LIFR: variants seen among roughly 807,000 people sequenced by gnomAD.
The protein encoded by LIFR is LIF receptor subunit alpha, also known as leukemia inhibitory factor receptor.
A neutral mutation model predicts 122.2 loss-of-function variants in LIFR; 84 were observed. The ratio of observed to expected loss-of-function variants is 0.69; its 90% CI spans 0.58 to 0.82. The LOEUF (loss-of-function observed/expected upper bound fraction) is 0.82, where lower values mean the gene tolerates loss of function less well. Among genes scored for constraint, LIFR ranks in the 40% least tolerant of loss-of-function variants. The probability of loss-of-function intolerance (pLI) is 0.00; values close to 1 mark genes in which losing one functional copy is unlikely to be tolerated. For missense variants in LIFR, 1,294 were observed against 1,311.6 expected, an observed-to-expected ratio of 0.99 and a Z score of 0.21; for synonymous variants, 422 against 434.7, an observed-to-expected ratio of 0.97 and a Z score of 0.36.
At position 38,523,477 on chromosome 5, in the gene LIFR, G is replaced by C. The variant is rs779829941; in HGVS notation, c.503C>G (p.Ser168Ter). Residue 168 changes from serine (S) to a stop codon, truncating the protein, a stop_gained, in exon 5 of 20, where the codon TCA (serine) becomes TGA (stop). Coordinates refer to ENST00000453190, the MANE Select transcript of LIFR (RefSeq NM_001127671.2). LOFTEE classifies it high-confidence loss of function. ...NDRGSVFPHR[S>*]NVIWEIKVLR... ...AACTTTAATTTCCCAGATAACATTTGAGCGGTGTGGAAAAACTGAACCCCT... is the reference window on the plus strand; with the variant it reads ...AACTTTAATTTCCCAGATAACATTTCAGCGGTGTGGAAAAACTGAACCCCT... 1 of 1,613,592 alleles carries C rather than the reference G, an allele frequency of 6.2e-7. No individual in the cohort carries two copies.
chr5:38,481,811 C>T lies in LIFR; in HGVS notation c.3078G>A (p.Ala1026=), dbSNP rs760083976. ...TTACATTGGCCTGAGGTCTGTAACC[C>T]GCAGTTTTATCTAAGTCCTCTTCTG... is the stretch of plus-strand genomic sequence containing the variant. ...IAAEEDLDKT[A]GYRPQANVNT... is the part of the protein sequence containing the mutation. The change falls in exon 20 of 20, where the codon GCG becomes GCA. Residue 1026 remains alanine (A), a synonymous_variant. Coordinates refer to ENST00000453190, the MANE Select transcript of LIFR (RefSeq NM_001127671.2). The T allele has an allele frequency of 3.0e-5, 48 of 1,613,922 alleles. No individual in the cohort carries two copies. Among genetic ancestry groups the T allele is most frequent in the Middle Eastern group, 1.6e-4 (1 of 6,084 alleles).
upstream of LIFR, chr5:38,559,190 G>A (rs970311968): frequency 2.0e-5 from 3 of 152,220 alleles, no homozygotes; most frequent in Non-Finnish European, 4.4e-5. Flanking sequence ...AAGAAATTTA[G>A]GGATTTGCCA....
chr5:38,491,639 C>T (rs1020897478), intron 14 of LIFR, among the ~76,000 whole-genome samples: 2 of 152,222 alleles, frequency 1.3e-5, no homozygotes, highest in Non-Finnish European at 2.9e-5. Context: ...GCCTATAAAA[C>T]ACCAGTGGCC....
intron 1 of LIFR, among the ~76,000 whole-genome samples, chr5:38,581,647 C>T (rs1018611466): frequency 2.0e-5 from 3 of 152,130 alleles, no homozygotes; most frequent in Non-Finnish European, 4.4e-5. Context: ...CAGGTCCTTT[C>T]TGGAAATGGT....
rs375473315 is a variant in LIFR, at chr5:38,549,988, G to T, written c.-20+6346C>A. 4.8e-4 allele frequency among the ~76,000 whole-genome samples: 73 copies of T among 152,280 alleles called. 1 individual carries two copies. The highest frequency in any genetic ancestry group is 1.7e-3 in the African/African-American group (72 of 41,554). Reference sequence around the variant, plus strand: ...TGCGAGGAGAAAGGTATCGACAGGAGTATGGTGCACAAATGCACTATAACC... The same window carrying T: ...TGCGAGGAGAAAGGTATCGACAGGATTATGGTGCACAAATGCACTATAACC... On this transcript the variant is annotated intron_variant, in intron 1 of 19. Transcript: ENST00000453190.
At chr5:38,549,402 A>C (rs1467066731) in intron 1 of LIFR, among the ~76,000 whole-genome samples, 1 of 152,170 alleles carries the variant, frequency 6.6e-6, no homozygotes. Flanking sequence ...ATCACTGTTA[A>C]AGAAAGGGTA....
chr5:38,598,013 G>A (rs1442148156), upstream of LIFR, among the ~76,000 whole-genome samples: 1 of 151,770 alleles, frequency 6.6e-6, no homozygotes, highest in Non-Finnish European at 1.5e-5. Flanking sequence ...GGCTCCTTAG[G>A]AGGTGATAAT....
intron 1 of LIFR, among the ~76,000 whole-genome samples, chr5:38,542,746 C>T (rs1236556137): frequency 1.3e-5 from 2 of 152,122 alleles, no homozygotes; most frequent in Non-Finnish European, 2.9e-5. Flanking sequence ...TCAGTGTTCC[C>T]GCACAGACAG....
chr5:38,485,540 T>C (rs1482319041), intron 17 of LIFR: 1 of 469,710 alleles, frequency 2.1e-6, no homozygotes, highest in Admixed American at 3.7e-5. Flanking sequence ...ATGTTGACCG[T>C]TAGATAAATT....
chr5:38,516,480 A>C (rs1746088594), intron 5 of LIFR, among the ~76,000 whole-genome samples: 1 of 152,248 alleles, frequency 6.6e-6, no homozygotes, highest in Admixed American at 6.5e-5. Flanking sequence ...TGGTCATTAG[A>C]GAAATGCAAA....
chr5:38,522,167 C>T (rs1399542052), intron 5 of LIFR, among the ~76,000 whole-genome samples: 1 of 152,196 alleles, frequency 6.6e-6, no homozygotes. Context: ...GTCTCAGTAG[C>T]TGTAGTCTGC....
At chr5:38,554,700 A>T (rs976681188) in intron 1 of LIFR, among the ~76,000 whole-genome samples, 5 of 152,210 alleles carry the variant, frequency 3.3e-5, no homozygotes, top group Non-Finnish European at 5.9e-5. Context: ...ACATGAGCAT[A>T]GGCTATGTCT....
intron 1 of LIFR, among the ~76,000 whole-genome samples, chr5:38,545,705 T>A (rs1747846724): frequency 6.6e-6 from 1 of 150,582 alleles, no homozygotes; most frequent in Non-Finnish European, 1.5e-5. Flanking sequence ...TACTAAAAAT[T>A]CAAAAAATTC....
rs3729744 is a variant in LIFR at position 38,493,680 on chromosome 5, G to A, written c.1991C>T (p.Ser664Leu). The change falls in exon 14 of 20, where the codon TCG (serine) becomes TTG (leucine). Residue 664 changes from serine to leucine, a missense_variant. Coordinates refer to ENST00000453190, the MANE Select transcript of LIFR (RefSeq NM_001127671.2). ...CATAAGGCATGGTTCCGACCGAGACGAGTTACACCACTTAATGACGTAGTC... is the reference window on the plus strand; with the variant it reads ...CATAAGGCATGGTTCCGACCGAGACAAGTTACACCACTTAATGACGTAGTC... ...TCDYVIKWCN[S>L]SRSEPCLMDW... The A allele has an allele frequency of 1.1e-3, 1,755 of 1,614,090 alleles. 16 individuals carry two copies. The African/African-American group carries it at 0.02, about 19-fold the overall frequency.
intron 1 of LIFR, chr5:38,531,062 C>A (rs149287191): frequency 1.2e-5 from 2 of 169,460 alleles, no homozygotes; most frequent in South Asian, 1.6e-4. Flanking sequence ...TTTATTAGTA[C>A]GTTAACTTGT....
chr5:38,599,714 TA>T (rs1456355280), upstream of LIFR, among the ~76,000 whole-genome samples: 5 of 152,096 alleles, frequency 3.3e-5, no homozygotes, highest in African/African-American at 9.7e-5. Context: ...TTAGGTACTT[TA>T]AAAAATTTTA....
chr5:38,598,245 A>G (rs11275430), upstream of LIFR, among the ~76,000 whole-genome samples: 1 of 46,796 alleles, frequency 2.1e-5, no homozygotes, highest in Non-Finnish European at 3.6e-5. Flanking sequence ...TTATTTATTT[A>G]TTTTTTTTTT....
rs755926450 is a variant in LIFR at position 38,481,758 on chromosome 5, G to C, written c.3131C>G (p.Ser1044Cys). The C allele has an allele frequency of 1.2e-6, 2 of 1,614,036 alleles. No homozygotes were observed. The highest frequency in any genetic ancestry group is 1.7e-6 in the Non-Finnish European group (2 of 1,180,044). ...VNTWNLVSPDSPRSIDSNSEI... is the reference protein window; with the variant it reads ...VNTWNLVSPDCPRSIDSNSEI... ...ACTGTTGCTGTCTATGGATCTAGGA[G>C]AGTCTGGAGACACTAAATTCCATGT... Residue 1044 changes from serine to cysteine, a missense_variant, in exon 20 of 20, where the codon TCT becomes TGT. Transcript: ENST00000453190.
intron 5 of LIFR, among the ~76,000 whole-genome samples, chr5:38,518,451 C>G (rs1445442499): frequency 6.6e-6 from 1 of 152,082 alleles, no homozygotes; most frequent in Non-Finnish European, 1.5e-5. Flanking sequence ...CAATGTGGGA[C>G]CACATATACC....
Sources: allele counts gnomAD v4.1 joint callset (sites outside exome capture counted in the v4.1 genomes callset), GRCh38; gene constraint gnomAD v4.1.1; transcripts MANE v1.5; gene names NCBI Gene and HGNC (gene_info 2026-07-23, HGNC 2026-07-21).